The following TNFRSF10A variants were observed in gnomAD, a reference collection of about 807,000 sequenced individuals.
The protein encoded by TNFRSF10A is tumor necrosis factor receptor superfamily member 10A.
Under a neutral mutation model 42.8 loss-of-function variants are expected in TNFRSF10A, and 44 were observed. The observed-to-expected ratio is 1.03, with a 90% CI of 0.81 to 1.32. The LOEUF (loss-of-function observed/expected upper bound fraction) is 1.32. Ranked by LOEUF, TNFRSF10A falls within the 40% of genes most tolerant of loss-of-function variation. The pLI is 0.00. For missense variants in TNFRSF10A, 680 were observed against 602.0 expected (o/e 1.13, Z -1.36); for synonymous variants, 259 against 234.2 (o/e 1.11, Z -0.97).
intron 1 of TNFRSF10A, among the ~76,000 whole-genome samples, chr8:23,212,702 T>C (rs535814608): frequency 1.7e-4 from 26 of 152,240 alleles, no homozygotes; most frequent in Non-Finnish European, 2.9e-4. Flanking sequence ...TTTCTTTCAA[T>C]TCTTTTGGAT....
intron 6 of TNFRSF10A, 87 bp downstream of exon 6, chr8:23,200,418 G>T: frequency 6.9e-7 from 1 of 1,446,664 alleles, no homozygotes; most frequent in Non-Finnish European, 9.7e-7. Context: ...ACTAGGACTT[G>T]GGGCAGGGGT....
chr8:23,214,905 G>T (rs1282472922), intron 1 of TNFRSF10A, among the ~76,000 whole-genome samples: 2 of 152,314 alleles, frequency 1.3e-5, no homozygotes, highest in East Asian at 3.9e-4. Flanking sequence ...GTCAGAAAAA[G>T]ATGAAAGAGC....
chr8:23,220,346 G>C (rs1246809063), intron 1 of TNFRSF10A, among the ~76,000 whole-genome samples: 1 of 152,240 alleles, frequency 6.6e-6, no homozygotes, highest in Non-Finnish European at 1.5e-5. Flanking sequence ...CTCTATGCCA[G>C]GTCCTTCCAC....
chr8:23,214,621 A>C (rs1385098365), intron 1 of TNFRSF10A, among the ~76,000 whole-genome samples: 1 of 152,196 alleles, frequency 6.6e-6, no homozygotes, highest in East Asian at 1.9e-4. Context: ...CAATTTTTAA[A>C]ATTGTATTAA....
At chr8:23,203,934 G>A (rs535390950) in intron 2 of TNFRSF10A, among the ~76,000 whole-genome samples, 5 of 152,062 alleles carry the variant, frequency 3.3e-5, no homozygotes, top group East Asian at 1.9e-4. Context: ...GTGCCACCAC[G>A]CCTGGCTAAT....
intron 1 of TNFRSF10A, among the ~76,000 whole-genome samples, chr8:23,220,231 A>G (rs1164632102): frequency 6.6e-6 from 1 of 152,026 alleles, no homozygotes; most frequent in Non-Finnish European, 1.5e-5. Context: ...CTCCTCCTAA[A>G]TCTCATTTTC....
At chr8:23,215,293 AC>A (rs1801161706) in intron 1 of TNFRSF10A, among the ~76,000 whole-genome samples, 1 of 152,122 alleles carries the variant, frequency 6.6e-6, no homozygotes, top group African/African-American at 2.4e-5. Context: ...AAAGTGGGCG[AC>A]CACCTGAGGT....
At chr8:23,209,604 A>C (rs1801065300) in intron 2 of TNFRSF10A, among the ~76,000 whole-genome samples, 1 of 152,196 alleles carries the variant, frequency 6.6e-6, no homozygotes, top group South Asian at 2.1e-4. Flanking sequence ...TTGGAGCTTT[A>C]AGATCTGACT....
intron 1 of TNFRSF10A, among the ~76,000 whole-genome samples, chr8:23,216,374 T>C (rs1008623102): frequency 6.6e-6 from 1 of 152,242 alleles, no homozygotes; most frequent in Admixed American, 6.5e-5. Context: ...GATGTAATTC[T>C]TTCCTTTAAA....
intron 2 of TNFRSF10A, chr8:23,207,304 G>T (rs1008794454): frequency 1.7e-6 from 1 of 598,936 alleles, no homozygotes; most frequent in Non-Finnish European, 3.2e-6. Context: ...AGAGAAGAAG[G>T]CATATGTTCG....
In TNFRSF10A at chr8:23,202,688, G is replaced by A. The variant is rs765804391; in HGVS notation, c.477C>T (p.Asn159=). 29 of 1,614,020 alleles carry A rather than the reference G, an allele frequency of 1.8e-5. 1 individual carries two copies. In the South Asian group the frequency reaches 3.0e-4, roughly 16 times the overall value. The change falls in exon 3 of 10, where the codon AAC becomes AAT. Residue 159 remains asparagine (N), a synonymous_variant. Coordinates refer to ENST00000221132, the MANE Select transcript of TNFRSF10A (RefSeq NM_003844.4). ...TEGVGYTNAS[N]NLFACLPCTA... ...TACATGGGAGGCAAGCAAACAAATT[G>A]TTGGAAGCATTGGTGTAACCCACAC...
chr8:23,191,800 C>G lies in TNFRSF10A; in HGVS notation c.1301G>C (p.Arg434Thr). The change falls in exon 10 of 10, where the codon AGG (arginine) becomes ACG (threonine). Residue 434 changes from arginine (R) to threonine (T), a missense_variant. Transcript: ENST00000221132. The stretch of plus-strand genomic sequence containing the variant: ...CTCTCTTGCATGTCTCTCTTCCATC[C>G]TCTCCAAGGCATCCAGCAGGGTGTG... The part of the protein sequence containing the change: ...SIHTLLDALE[R>T]MEERHAREKI... The G allele has an allele frequency of 6.2e-7, 1 of 1,614,104 alleles. No individual in the cohort carries two copies. Among genetic ancestry groups the G allele is most frequent in the Middle Eastern group, 1.6e-4 (1 of 6,062 alleles).
chr8:23,217,213 A>G (rs1403322047), intron 1 of TNFRSF10A, among the ~76,000 whole-genome samples: 1 of 151,924 alleles, frequency 6.6e-6, no homozygotes, highest in African/African-American at 2.4e-5. Context: ...CTTCTGATGA[A>G]TTCATTTTTT....
At chr8:23,221,168 C>T (rs1265732128) in intron 1 of TNFRSF10A, among the ~76,000 whole-genome samples, 3 of 152,198 alleles carry the variant, frequency 2.0e-5, no homozygotes, top group Non-Finnish European at 2.9e-5. Context: ...TCTGGGGATC[C>T]AGAGTCCTGA....
intron 1 of TNFRSF10A, among the ~76,000 whole-genome samples, chr8:23,214,495 A>AC (rs1290365978): frequency 2.0e-5 from 3 of 151,946 alleles, no homozygotes; most frequent in Admixed American, 1.3e-4. Flanking sequence ...CAAAAAAAAA[A>AC]AACAGCAAAA....
chr8:23,193,096 C>G (rs1298253605), intron 9 of TNFRSF10A, among the ~76,000 whole-genome samples: 1 of 152,154 alleles, frequency 6.6e-6, no homozygotes, highest in East Asian at 1.9e-4. Context: ...GCTCCCATCT[C>G]TTCCACTGCA....
rs1212233483 is a variant in TNFRSF10A, at chr8:23,191,698, TC to T, written c.1402del (p.Glu468SerfsTer12). 6.8e-6 allele frequency: 11 copies of T among 1,612,518 alleles called. No homozygotes were observed. The highest frequency in any genetic ancestry group is 9.3e-6 in the Non-Finnish European group (11 of 1,179,358). ...ACCTCTGGTAAAAAGAGTCTTTCAC[TC>T]CAAGGACACGGCAGAGCCTGTGCCA... ...EDGTGSAVSL[E>X] On this transcript the variant is annotated frameshift_variant, in exon 10 of 10. Coordinates refer to ENST00000221132, the MANE Select transcript of TNFRSF10A (RefSeq NM_003844.4). LOFTEE classifies it high-confidence loss of function.
chr8:23,212,451 C>G (rs1801105123), intron 1 of TNFRSF10A, among the ~76,000 whole-genome samples: 1 of 152,230 alleles, frequency 6.6e-6, no homozygotes, highest in Non-Finnish European at 1.5e-5. Flanking sequence ...CTACATACTT[C>G]ATATAAATGG....
intron 9 of TNFRSF10A, among the ~76,000 whole-genome samples, chr8:23,195,161 A>G (rs1192479533): frequency 6.6e-6 from 1 of 152,222 alleles, no homozygotes; most frequent in Non-Finnish European, 1.5e-5. Flanking sequence ...TCTGTCTCAA[A>G]ACAAAAAAAG....
Sources: allele counts gnomAD v4.1 joint callset (sites outside exome capture counted in the v4.1 genomes callset), GRCh38; gene constraint gnomAD v4.1.1; transcripts MANE v1.5; gene names NCBI Gene and HGNC (gene_info 2026-07-23, HGNC 2026-07-21).